PRKCE: variants seen among roughly 807,000 people sequenced by gnomAD.
PRKCE encodes protein kinase C epsilon type.
In PRKCE, 16 loss-of-function variants were observed where a neutral mutation model predicts 85.4. That is an observed-to-expected ratio of 0.19 (90% CI 0.13 to 0.28). PRKCE has a LOEUF of 0.28. PRKCE is among the 10% of genes least tolerant of loss of function. The pLI, the probability that PRKCE is intolerant of heterozygous loss-of-function variation, is 1.00. For synonymous variants in PRKCE, 388 were observed against 371.5 expected (o/e 1.04, Z -0.51); for missense variants, 573 against 975.2 (o/e 0.59, Z 5.49).
intron 1 of PRKCE, among the ~76,000 whole-genome samples, chr2:45,733,691 G>A (rs548168767): frequency 3.9e-5 from 6 of 152,254 alleles, no homozygotes; most frequent in African/African-American, 1.4e-4. Context: ...CCCTCTCACC[G>A]TCTCCACTAT....
intron 11 of PRKCE, among the ~76,000 whole-genome samples, chr2:46,110,370 A>T (rs1046966372): frequency 4.6e-5 from 7 of 152,130 alleles, no homozygotes; most frequent in African/African-American, 1.4e-4. Context: ...GATTTCTTTA[A>T]TAAGTAGAGG....
chr2:46,074,242 AAGG>A (rs2103766530), intron 10 of PRKCE, among the ~76,000 whole-genome samples: 1 of 152,282 alleles, frequency 6.6e-6, no homozygotes, highest in Admixed American at 6.5e-5. Context: ...TTGTAAAGTG[AAGG>A]AGTCAGTAAA....
chr2:46,116,722 G>C (rs563478059), intron 11 of PRKCE, among the ~76,000 whole-genome samples: 1 of 146,524 alleles, frequency 6.8e-6, no homozygotes, highest in Admixed American at 7.0e-5. Flanking sequence ...ACATGGTGCT[G>C]TTCCTGAGAA....
chr2:46,163,295 G>T (rs1677958665), intron 14 of PRKCE, among the ~76,000 whole-genome samples: 1 of 150,986 alleles, frequency 6.6e-6, no homozygotes, highest in South Asian at 2.1e-4. Context: ...CCCCATAGAG[G>T]CCACTGAGAG....
At chr2:45,711,914 C>T (rs534935811) in intron 1 of PRKCE, among the ~76,000 whole-genome samples, 26 of 152,224 alleles carry the variant, frequency 1.7e-4, no homozygotes, top group African/African-American at 4.3e-4. Flanking sequence ...TGAGCCAACA[C>T]GCCCGGCCTC....
At chr2:46,052,026 G>A (rs1379550981) in intron 10 of PRKCE, among the ~76,000 whole-genome samples, 1 of 152,024 alleles carries the variant, frequency 6.6e-6, no homozygotes, top group Non-Finnish European at 1.5e-5. Flanking sequence ...CAACACCTGG[G>A]GATTACAATT....
At chr2:46,010,670 ATCT>A (rs773937037) in intron 10 of PRKCE, 153 bp downstream of exon 10, 1 of 1,598,808 alleles carries the variant, frequency 6.3e-7, no homozygotes, top group Non-Finnish European at 8.5e-7. Context: ...TTTGAACAGC[ATCT>A]TCTTTTTTAG....
chr2:46,093,776 C>G (rs1262136950), intron 11 of PRKCE, among the ~76,000 whole-genome samples: 2 of 152,092 alleles, frequency 1.3e-5, no homozygotes, highest in East Asian at 1.9e-4. Context: ...AGTTCCGTTT[C>G]TCACCCACTA....
At position 46,155,413 on chromosome 2, in the gene PRKCE, G is replaced by T. The variant is rs372606935; in HGVS notation, c.1920+4184G>T. Among the ~76,000 whole-genome samples, 91 of 151,982 alleles carry T rather than the reference G, an allele frequency of 6.0e-4. No individual in the cohort carries two copies. Among genetic ancestry groups the T allele is most frequent in the Non-Finnish European group, 9.1e-4 (62 of 67,920 alleles). ...ATGGATTCTGGTCACCGCCTCTCTT[G>T]TTCCTCAGGCCTGGGCCCCGGGTCC... is the stretch of plus-strand genomic sequence containing the variant. On this transcript the variant is annotated intron_variant, in intron 13 of 14. Coordinates refer to ENST00000306156, the MANE Select transcript of PRKCE (RefSeq NM_005400.3). This position sits in a 1 kb window ranked among gnomAD's most constrained non-coding sequence, Gnocchi z 4.7.
At chr2:46,165,161 C>G (rs937439795) in intron 14 of PRKCE, among the ~76,000 whole-genome samples, 4 of 152,282 alleles carry the variant, frequency 2.6e-5, no homozygotes, top group African/African-American at 9.6e-5. Flanking sequence ...TTTGTACTAA[C>G]CCCCACCCAG....
At chr2:46,117,005 GAC>G (rs1436873450) in intron 11 of PRKCE, among the ~76,000 whole-genome samples, 1 of 152,216 alleles carries the variant, frequency 6.6e-6, no homozygotes, top group Non-Finnish European at 1.5e-5. Flanking sequence ...GAAGGAACAT[GAC>G]ACAGAGGATT....
chr2:45,832,727 G>T (rs550141267), intron 1 of PRKCE, among the ~76,000 whole-genome samples: 1 of 152,252 alleles, frequency 6.6e-6, no homozygotes, highest in East Asian at 1.9e-4. Context: ...AGGCCTCAAG[G>T]TACCTATTGG....
At chr2:45,673,415 T>C (rs1388385976) in intron 1 of PRKCE, among the ~76,000 whole-genome samples, 1 of 152,236 alleles carries the variant, frequency 6.6e-6, no homozygotes, top group Non-Finnish European at 1.5e-5. Context: ...GTTTTCTGGA[T>C]GGCAATTGAG....
chr2:45,723,756 C>A (rs909625393), intron 1 of PRKCE, among the ~76,000 whole-genome samples: 2 of 152,068 alleles, frequency 1.3e-5, no homozygotes, highest in South Asian at 4.2e-4. Flanking sequence ...GGGCGCCCAC[C>A]ACCACACCCA....
At chr2:45,726,167 T>C (rs1174898329) in intron 1 of PRKCE, among the ~76,000 whole-genome samples, 2 of 152,224 alleles carry the variant, frequency 1.3e-5, no homozygotes, top group African/African-American at 4.8e-5. Flanking sequence ...GTGAATAACG[T>C]TGAAATGACA....
At chr2:46,098,513 G>A (rs1670918994) in intron 11 of PRKCE, among the ~76,000 whole-genome samples, 1 of 152,216 alleles carries the variant, frequency 6.6e-6, no homozygotes, top group Admixed American at 6.5e-5. Flanking sequence ...AAATGGGGAT[G>A]AATGTATCCT....
chr2:46,115,795 A>C lies in PRKCE; in HGVS notation c.1593-29298A>C, dbSNP rs570645913. Among the ~76,000 whole-genome samples the C allele has an allele frequency of 9.8e-5, 15 of 152,350 alleles. No homozygotes were observed. In the East Asian group the frequency reaches 2.9e-3, roughly 29 times the overall value. On this transcript the variant is annotated intron_variant, in intron 11 of 14. Transcript: ENST00000306156. The stretch of plus-strand genomic sequence containing the variant: ...CCCCGTTTGTAATTAGCACCCCATC[A>C]CAGAGGGTACCAGGTACCCCGGGGA...
chr2:45,744,441 CTTTCTTTCTTTCTTT>C (rs1682885366), intron 1 of PRKCE, among the ~76,000 whole-genome samples: 1 of 50,612 alleles, frequency 2.0e-5, no homozygotes, highest in Non-Finnish European at 3.8e-5. Context: ...TTCTTTCTTT[CTTTCTTTCTTTCTTT>C]CTTTCTTTCT....
intron 2 of PRKCE, among the ~76,000 whole-genome samples, chr2:45,846,791 G>A (rs1691827735): frequency 6.6e-6 from 1 of 152,172 alleles, no homozygotes; most frequent in African/African-American, 2.4e-5. Context: ...CCACAACACA[G>A]GGATAATGGT....
Sources: allele counts gnomAD v4.1 joint callset (sites outside exome capture counted in the v4.1 genomes callset), GRCh38; gene constraint gnomAD v4.1.1; non-coding constraint Gnocchi (gnomAD v3.1); transcripts MANE v1.5; gene names NCBI Gene and HGNC (gene_info 2026-07-23, HGNC 2026-07-21).